Variants in RASIP1 observed in about 807,000 individuals in gnomAD.
RASIP1 encodes the protein ras-interacting protein 1.
RASIP1 carries 20 observed loss-of-function variants against 85.3 expected under a neutral mutation model. The ratio of observed to expected loss-of-function variants is 0.23; its 90% confidence interval spans 0.17 to 0.34. The LOEUF is 0.34. Among genes scored for constraint, RASIP1 ranks in the 10% least tolerant of loss-of-function variants. The pLI, the probability that RASIP1 is intolerant of heterozygous loss-of-function variation, is 1.00. For synonymous variants in RASIP1, 617 were observed against 647.1 expected (o/e 0.95, Z 0.71); for missense variants, 1,170 against 1,390.9 (o/e 0.84, Z 2.53).
rs2033629175 is a variant in RASIP1, at chr19:48,739,377, G to T, written c.406C>A (p.Pro136Thr). 11 of 1,342,434 alleles carry T rather than the reference G, an allele frequency of 8.2e-6. No individual in the cohort carries two copies. The highest frequency in any genetic ancestry group is 9.5e-6 in the Non-Finnish European group (10 of 1,051,984). The allele number at this position is 1,342,434 out of a possible 1,614,324, so 83.2% of individuals were successfully genotyped here. A position where few individuals can be genotyped will look rare whatever the true frequency, so the allele number is the denominator to read the frequency against. Residue 136 changes from proline (P) to threonine (T), a missense_variant, in exon 3 of 12, where the codon CCG becomes ACG. This residue lies in a region of RASIP1 where 299 missense variants were observed against 394.4 expected (regional missense o/e 0.76). Transcript: ENST00000222145. The surrounding 1 kb of genome is among the most constrained non-coding windows in gnomAD (Gnocchi z 9.2). ...ELAAGVAPEP[P>T]LATRATAPPG... ...GGCGCCGTGGCGCGGGTAGCCAGCG[G>T]GGGCTCGGGGGCCACGCCCGCCGCC...
intron 4 of RASIP1, 139 bp from the exon 5 acceptor site, chr19:48,729,729 T>C (rs2033417494): frequency 1.0e-6 from 1 of 996,014 alleles, no homozygotes; most frequent in Non-Finnish European, 1.4e-6. Context: ...TTTTTTTTTT[T>C]TTTGAGATGG....
At chr19:48,735,597 G>C (rs975758676) in intron 3 of RASIP1, 46 bp from the exon 4 acceptor site, 2 of 1,456,364 alleles carry the variant, frequency 1.4e-6, no homozygotes, top group Non-Finnish European at 1.8e-6. Context: ...GAAAGACAGG[G>C]ATAGACACAG....
Position 48,738,821 on chromosome 19 carries a change from C to T in RASIP1, c.823+139G>A. 1 of 1,049,116 alleles carries T rather than the reference C, an allele frequency of 9.5e-7. No homozygotes were observed. Among genetic ancestry groups the T allele is most frequent in the Non-Finnish European group, 1.2e-6 (1 of 836,676 alleles). The allele number at this position is 1,049,116 out of a possible 1,614,324, so 65.0% of individuals were successfully genotyped here. A position where few individuals can be genotyped will look rare whatever the true frequency, so the allele number is the denominator to read the frequency against. On this transcript the variant is annotated intron_variant, in intron 3 of 11. Transcript: ENST00000222145. The surrounding 1 kb of genome is among the most constrained non-coding windows in gnomAD (Gnocchi z 4.0). ...CTGCCTAGAGTCCAACACGCACCGT[C>T]CAGTCCCCTCCCAGTCCCCTCCCGC...
At chr19:48,725,115 A>C in intron 8 of RASIP1, 155 bp from the exon 9 acceptor site, 1 of 821,954 alleles carries the variant, frequency 1.2e-6, no homozygotes, top group Non-Finnish European at 1.9e-6. Flanking sequence ...CCGTGAGCAA[A>C]TCCCTACTTG....
At chr19:48,727,991 G>A (rs575042771) in intron 5 of RASIP1, among the ~76,000 whole-genome samples, 1 of 152,218 alleles carries the variant, frequency 6.6e-6, no homozygotes, top group East Asian at 1.9e-4. Flanking sequence ...CCTGGCTCTT[G>A]AGACAAATTC....
At position 48,720,636 on chromosome 19, in the gene RASIP1, C is replaced by T. The variant is rs1568472931; in HGVS notation, c.*162G>A. 1 of 750,672 alleles carries T rather than the reference C, an allele frequency of 1.3e-6. No individual in the cohort carries two copies. Among genetic ancestry groups the T allele is most frequent in the East Asian group, 2.5e-5 (1 of 40,076 alleles). 46.5% of individuals were successfully genotyped at this position (750,672 alleles called of 1,614,324 possible). On this transcript the variant is annotated 3_prime_UTR_variant, in exon 12 of 12. Coordinates refer to ENST00000222145, the MANE Select transcript of RASIP1 (RefSeq NM_017805.3). ...CTCCCTGGCATTCACATCCTAAGCCCATGCTCCCACCGTCCCATCCGCTAC... is the reference window on the plus strand; with the variant it reads ...CTCCCTGGCATTCACATCCTAAGCCTATGCTCCCACCGTCCCATCCGCTAC...
rs949301780 is a variant in RASIP1 at position 48,737,662 on chromosome 19, A to G, written c.823+1298T>C. 12 of 984,462 alleles carry G rather than the reference A, an allele frequency of 1.2e-5. No individual in the cohort carries two copies. In the African/African-American group the frequency reaches 1.9e-4, roughly 16 times the overall value. 61.0% of individuals were successfully genotyped at this position (984,462 alleles called of 1,614,324 possible). On this transcript the variant is annotated intron_variant, in intron 3 of 11. Coordinates refer to ENST00000222145, the MANE Select transcript of RASIP1 (RefSeq NM_017805.3). ...CAGGTGTCGCCCCCTTCTATACTCC[A>G]CCCACATAGGCCCTGCTCAGTAGCC...
chr19:48,738,062 G>C lies in RASIP1; in HGVS notation c.823+898C>G, dbSNP rs969326358. On this transcript the variant is annotated intron_variant, in intron 3 of 11. Transcript: ENST00000222145. The surrounding 1 kb of genome is among the most constrained non-coding windows in gnomAD (Gnocchi z 4.0). Reference sequence around the variant, plus strand: ...TGGGTTCAAATTATTCTCATGTCTCGGCCTCCCGAGTAGCTGGGATTACAG... The same window carrying C: ...TGGGTTCAAATTATTCTCATGTCTCCGCCTCCCGAGTAGCTGGGATTACAG... 4 of 520,018 alleles carry C rather than the reference G, an allele frequency of 7.7e-6. No homozygotes were observed. In the Admixed American group the frequency reaches 1.9e-4, roughly 25 times the overall value. 32.2% of individuals were successfully genotyped at this position (520,018 alleles called of 1,614,324 possible).
intron 4 of RASIP1, among the ~76,000 whole-genome samples, chr19:48,729,867 A>G (rs1259639092): frequency 6.6e-6 from 1 of 151,474 alleles, no homozygotes; most frequent in Non-Finnish European, 1.5e-5. Context: ...GGCGCCTGCC[A>G]CCACACCCGG....
At position 48,729,317 on chromosome 19, in the gene RASIP1, A is replaced by G; in HGVS notation, c.1453T>C (p.Phe485Leu). ...DLLGLGEHFL[F>L]MYKDPRTGGS... ...CCAGTGCGGGGGTCCTTGTACATGA[A>G]CAGGAAGTGCTCGCCCAGCCCCAGG... Residue 485 changes from phenylalanine to leucine, a missense_variant, in exon 5 of 12, where the codon TTC becomes CTC. By Grantham distance (22) the Phe-to-Leu change is conservative. Coordinates refer to ENST00000222145, the MANE Select transcript of RASIP1 (RefSeq NM_017805.3). The G allele has an allele frequency of 6.4e-7, 1 of 1,559,460 alleles. No homozygotes were observed. The highest frequency in any genetic ancestry group is 1.2e-5 in the South Asian group (1 of 84,708).
In RASIP1 at chr19:48,729,145, T is replaced by G. The variant is rs1291893029; in HGVS notation, c.1625A>C (p.Glu542Ala). The G allele has an allele frequency of 1.5e-6, 2 of 1,334,036 alleles. No individual in the cohort carries two copies. Among genetic ancestry groups the G allele is most frequent in the Non-Finnish European group, 1.9e-6 (2 of 1,041,860 alleles). 82.6% of individuals were successfully genotyped at this position (1,334,036 alleles called of 1,614,324 possible). Residue 542 changes from glutamate (E) to alanine (A), a missense_variant, in exon 5 of 12, where the codon GAG becomes GCG. By Grantham distance (107) the Glu-to-Ala change is moderately radical. Transcript: ENST00000222145. The stretch of plus-strand genomic sequence containing the variant: ...GCGCGGCCGGAAGCGCAGGACTGGC[T>G]CACGGCCGTCCAGGTAGGCGGCCAG... ...EALAAYLDGR[E>A]PVLRFRPREE...
At chr19:48,734,490 CT>C (rs796991108) in intron 4 of RASIP1, among the ~76,000 whole-genome samples, 12 of 127,378 alleles carry the variant, frequency 9.4e-5, no homozygotes, top group Admixed American at 2.4e-4. Context: ...TTTTTTCTTT[CT>C]TTTTTTTTTT....
At position 48,724,896 on chromosome 19, in the gene RASIP1, G is replaced by A. The variant is rs765712432; in HGVS notation, c.2192C>T (p.Pro731Leu). The A allele has an allele frequency of 2.2e-5, 36 of 1,614,094 alleles. No homozygotes were observed. The South Asian group carries it at 2.9e-4, about 13-fold the overall frequency. ...GGCCCCCAGCTCCGCGCCAGGCCCC[G>A]GCAGCTCTGCACCAGCTGTGAAAGG... ...SNPFTAGAEL[P>L]GPGAELGAMP... is the part of the protein sequence containing the mutation. The change falls in exon 9 of 12, where the codon CCG becomes CTG. Residue 731 changes from proline (P) to leucine (L), a missense_variant. Pro to Leu is a moderately conservative substitution (Grantham distance 98). This residue lies in a region of RASIP1 where 426 missense variants were observed against 576.2 expected (regional missense o/e 0.74). Transcript: ENST00000222145. The surrounding 1 kb of genome is among the most constrained non-coding windows in gnomAD (Gnocchi z 4.6).
In RASIP1 at chr19:48,735,496, A is replaced by T; in HGVS notation, c.879T>A (p.Gly293=). 1.3e-6 allele frequency: 2 copies of T among 1,557,214 alleles called. No individual in the cohort carries two copies. Among genetic ancestry groups the T allele is most frequent in the Admixed American group, 1.9e-5 (1 of 51,916 alleles). Residue 293 remains glycine (G), a synonymous_variant, in exon 4 of 12, where the codon GGT becomes GGA. Transcript: ENST00000222145. ...GGCCAGGACTGGCCAGCGCTGCCCCACCCGACGCCGCCCGGGAGCGGTTCT... is the reference window on the plus strand; with the variant it reads ...GGCCAGGACTGGCCAGCGCTGCCCCTCCCGACGCCGCCCGGGAGCGGTTCT... The part of the protein sequence containing the change: ...PQKNRSRAAS[G]GAALASPGPG...
chr19:48,721,965 A>T lies in RASIP1; in HGVS notation c.2581T>A (p.Leu861Met). The change falls in exon 11 of 12, where the codon TTG becomes ATG. Residue 861 changes from leucine to methionine, a missense_variant. By Grantham distance (15) the Leu-to-Met change is conservative. Transcript: ENST00000222145. ...WSSLRTDHPT[L>M]TPAQLHHLLS... ...AGATGGTGCAGCTGGGCGGGGGTCAAGGTGGGGTGGTCGGTTCTTAGGCTG... is the reference window on the plus strand; with the variant it reads ...AGATGGTGCAGCTGGGCGGGGGTCATGGTGGGGTGGTCGGTTCTTAGGCTG... 2 of 1,531,926 alleles carry T rather than the reference A, an allele frequency of 1.3e-6. No homozygotes were observed. The highest frequency in any genetic ancestry group is 2.4e-5 in the East Asian group (1 of 41,550). 94.9% of individuals were successfully genotyped at this position (1,531,926 alleles called of 1,614,324 possible).
chr19:48,732,583 T>C (rs1280531641), intron 4 of RASIP1, among the ~76,000 whole-genome samples: 1 of 152,152 alleles, frequency 6.6e-6, no homozygotes. Context: ...AGATGAGGTC[T>C]CACTATGTTG....
intron 5 of RASIP1, 65 bp downstream of exon 5, chr19:48,728,872 G>T: frequency 7.3e-7 from 1 of 1,369,400 alleles, no homozygotes; most frequent in Non-Finnish European, 9.4e-7. Context: ...TGAAGGTAGG[G>T]AAGGGAGGCT....
Position 48,740,128 on chromosome 19 carries a change from T to G in RASIP1, c.137+18A>C, listed in dbSNP as rs1435007288. ...AGCAGGTGTGCAGGGGCAGGAGTCC[T>G]GCAGAGATGGCACTCACTTGACAGA... On this transcript the variant is annotated intron_variant, in intron 2 of 11. Coordinates refer to ENST00000222145, the MANE Select transcript of RASIP1 (RefSeq NM_017805.3). This position sits in a 1 kb window ranked among gnomAD's most constrained non-coding sequence, Gnocchi z 5.5. 2 of 1,578,974 alleles carry G rather than the reference T, an allele frequency of 1.3e-6. No homozygotes were observed. Among genetic ancestry groups the G allele is most frequent in the South Asian group, 2.3e-5 (2 of 87,382 alleles).
chr19:48,737,844 T>C (rs917240599), intron 3 of RASIP1: 7 of 529,090 alleles, frequency 1.3e-5, no homozygotes, highest in African/African-American at 2.1e-5. Context: ...GCCCCGCCCA[T>C]CTGCTCTGCA....
Sources: gnomAD v4.1 joint callset for allele counts (sites outside exome capture counted in the v4.1 genomes callset) on GRCh38, gnomAD v4.1.1 for gene constraint, gnomAD v4.1.1 regional missense constraint, Gnocchi (gnomAD v3.1) non-coding constraint, MANE v1.5 for transcripts, NCBI Gene and HGNC (gene_info 2026-07-23, HGNC 2026-07-21) for gene names.